The following C12orf50 variants were observed in gnomAD, a reference collection of about 807,000 sequenced individuals.
C12orf50 encodes the protein uncharacterized protein C12orf50.
A neutral mutation model predicts 61.6 loss-of-function variants in C12orf50; 35 were observed. The ratio of observed to expected loss-of-function variants is 0.57; its 90% confidence interval spans 0.43 to 0.75. The LOEUF (loss-of-function observed/expected upper bound fraction) is 0.75, where lower values mean the gene tolerates loss of function less well. Among genes scored for constraint, C12orf50 ranks in the 30% least tolerant of loss-of-function variants. The probability of loss-of-function intolerance (pLI) is 0.00; values close to 1 mark genes in which losing one functional copy is unlikely to be tolerated. For missense variants in C12orf50, 475 were observed against 488.5 expected (o/e 0.97, Z 0.26); for synonymous variants, 178 against 161.5 (o/e 1.10, Z -0.77).
chr12:88,008,113 T>C (rs1023037650), intron 3 of C12orf50, among the ~76,000 whole-genome samples: 4 of 152,118 alleles, frequency 2.6e-5, no homozygotes, highest in African/African-American at 4.8e-5. Flanking sequence ...GTTTGTTATA[T>C]AGGTAAACTT....
At chr12:88,021,737 T>A (rs531388358) in intron 3 of C12orf50, among the ~76,000 whole-genome samples, 1 of 151,516 alleles carries the variant, frequency 6.6e-6, no homozygotes, top group East Asian at 1.9e-4. Flanking sequence ...AACTAGAAAA[T>A]TTAGAAGAAA....
chr12:87,998,109 A>G lies in C12orf50; in HGVS notation c.215T>C (p.Ile72Thr), dbSNP rs778071717. The change falls in exon 4 of 13, where the codon ATA (isoleucine) becomes ACA (threonine). Residue 72 changes from isoleucine to threonine, a missense_variant. By Grantham distance (89) the Ile-to-Thr change is moderately conservative. Transcript: ENST00000298699. The part of the protein sequence containing the change: ...SQEPLKPQEN[I>T]SRPIHHPLVL... ...TAAAGGATGGTGGATGGGTCGTGAT[A>G]TATTTTCCTGAGGTTTCAGAGGTTC... 1.5e-5 allele frequency: 25 copies of G among 1,612,928 alleles called. No individual in the cohort carries two copies. Among genetic ancestry groups the G allele is most frequent in the Admixed American group, 5.0e-5 (3 of 59,882 alleles).
chr12:87,980,222 C>A lies in C12orf50; in HGVS notation c.*109G>T. ...TTTTATCATCTTTGGCTATCCACTACATAACATGGAGTACTTGAGTATCTC... is the reference window on the plus strand; with the variant it reads ...TTTTATCATCTTTGGCTATCCACTAAATAACATGGAGTACTTGAGTATCTC... On this transcript the variant is annotated 3_prime_UTR_variant, in exon 13 of 13. Transcript: ENST00000298699. The A allele has an allele frequency of 9.1e-7, 1 of 1,096,480 alleles. No individual in the cohort carries two copies. The allele number at this position is 1,096,480 out of a possible 1,614,324, so 67.9% of individuals were successfully genotyped here.
chr12:88,014,100 G>A (rs1446160508), intron 3 of C12orf50, among the ~76,000 whole-genome samples: 1 of 152,090 alleles, frequency 6.6e-6, no homozygotes, highest in Non-Finnish European at 1.5e-5. Context: ...AAGGGGAAAG[G>A]CAGTCTTCTA....
chr12:88,018,956 G>A (rs2032412713), intron 3 of C12orf50, among the ~76,000 whole-genome samples: 1 of 152,208 alleles, frequency 6.6e-6, no homozygotes, highest in South Asian at 2.1e-4. Flanking sequence ...GACTTGCCTT[G>A]TCTCAGATGA....
intron 3 of C12orf50, among the ~76,000 whole-genome samples, chr12:88,002,916 C>T (rs756032236): frequency 4.0e-5 from 6 of 151,714 alleles, no homozygotes; most frequent in Non-Finnish European, 8.9e-5. Context: ...ACTAATTTAA[C>T]ATCAGTGAGA....
intron 11 of C12orf50, chr12:87,983,949 C>T (rs1396088214): frequency 1.7e-5 from 2 of 120,792 alleles, no homozygotes; most frequent in African/African-American, 5.0e-5. Context: ...GTTCTAGATC[C>T]CTGAGGAATC....
intron 3 of C12orf50, among the ~76,000 whole-genome samples, chr12:88,020,805 AT>A (rs1447761567): frequency 6.7e-6 from 1 of 149,396 alleles, no homozygotes; most frequent in African/African-American, 2.5e-5. Context: ...TACTCAGCAA[AT>A]TAAAAAAAAA....
intron 7 of C12orf50, among the ~76,000 whole-genome samples, chr12:87,993,306 A>G (rs2031217571): frequency 6.6e-6 from 1 of 152,194 alleles, no homozygotes; most frequent in Non-Finnish European, 1.5e-5. Flanking sequence ...TAACCAAAAA[A>G]GCTATCTGAT....
rs938537157 is a variant in C12orf50, at chr12:88,006,977, T to C, written c.134-8787A>G. On this transcript the variant is annotated intron_variant, in intron 3 of 12. Coordinates refer to ENST00000298699, the MANE Select transcript of C12orf50 (RefSeq NM_152589.3). ...AATTAATACGATTTCATTTGCTGTA[T>C]GCCCTTAGGACAATTTCTTAACACT... Among the ~76,000 whole-genome samples the C allele has an allele frequency of 3.9e-5, 6 of 152,382 alleles. 1 individual carries two copies. The highest frequency in any genetic ancestry group is 3.3e-4 in the Admixed American group (5 of 15,308).
intron 1 of C12orf50, among the ~76,000 whole-genome samples, chr12:88,028,312 G>C (rs1027983224): frequency 6.6e-6 from 1 of 152,082 alleles, no homozygotes; most frequent in Non-Finnish European, 1.5e-5. Context: ...AATTTCTGTG[G>C]TCAGAGAGGT....
At chr12:87,998,623 T>C (rs1447904517) in intron 3 of C12orf50, among the ~76,000 whole-genome samples, 2 of 152,208 alleles carry the variant, frequency 1.3e-5, no homozygotes, top group Non-Finnish European at 2.9e-5. Context: ...ATAGGTATGA[T>C]ACAACTCTTA....
At chr12:88,008,775 A>G (rs1271784226) in intron 3 of C12orf50, among the ~76,000 whole-genome samples, 1 of 152,108 alleles carries the variant, frequency 6.6e-6, no homozygotes, top group African/African-American at 2.4e-5. Context: ...TTCCTTCCCC[A>G]TACCCACAAT....
intron 6 of C12orf50, among the ~76,000 whole-genome samples, chr12:87,995,228 C>G (rs576788837): frequency 3.8e-4 from 58 of 152,154 alleles, no homozygotes; most frequent in Non-Finnish European, 6.8e-4. Context: ...ATAAAAGAGA[C>G]ATGACAACCT....
rs138023013 is a variant in C12orf50, at chr12:87,980,105, A to C, written c.*226T>G. On this transcript the variant is annotated 3_prime_UTR_variant, in exon 13 of 13. Coordinates refer to ENST00000298699, the MANE Select transcript of C12orf50 (RefSeq NM_152589.3). ...TGCACGGAATGAATTCCAGACCTAC[A>C]TAAATACACTGGCAGCTGTTGGTAA... 1.3e-3 allele frequency: 696 copies of C among 539,010 alleles called. 3 individuals are homozygous for C. The highest frequency in any genetic ancestry group is 0.012 in the African/African-American group (620 of 52,074). 33.4% of individuals were successfully genotyped at this position (539,010 alleles called of 1,614,324 possible). A position where few individuals can be genotyped will look rare whatever the true frequency, so the allele number is the denominator to read the frequency against.
chr12:88,021,592 C>T (rs1339659760), intron 3 of C12orf50, among the ~76,000 whole-genome samples: 6 of 151,802 alleles, frequency 4.0e-5, no homozygotes, highest in Non-Finnish European at 7.4e-5. Flanking sequence ...GAGCCAAGAT[C>T]GCACCACTGC....
At chr12:87,982,837 T>G (rs1219629488) in intron 12 of C12orf50, among the ~76,000 whole-genome samples, 6 of 151,426 alleles carry the variant, frequency 4.0e-5, no homozygotes, top group Non-Finnish European at 7.4e-5. Flanking sequence ...ATTACATGAT[T>G]GCTGCAATTA....
chr12:87,981,820 C>CATATTAGACATGGCTTGTCTTCCCCCT (rs2030489308), intron 12 of C12orf50, among the ~76,000 whole-genome samples: 4 of 152,056 alleles, frequency 2.6e-5, no homozygotes, highest in Non-Finnish European at 5.9e-5. Flanking sequence ...CCAGTCCTCT[C>CATATTAGACATGGCTTGTCTTCCCCCT]ATATTAGACA....
At position 88,010,436 on chromosome 12, in the gene C12orf50, TATA is replaced by T. The variant is rs200600868; in HGVS notation, c.134-12249_134-12247del. Among the ~76,000 whole-genome samples, 382 of 127,370 alleles carry T rather than the reference TATA, an allele frequency of 3.0e-3. 3 individuals are homozygous for T. Among genetic ancestry groups the T allele is most frequent in the Middle Eastern group, 8.0e-3 (2 of 250 alleles). The allele number at this position is 127,370 out of a possible 152,430, so 83.6% of individuals were successfully genotyped here. A position where few individuals can be genotyped will look rare whatever the true frequency, so the allele number is the denominator to read the frequency against. On this transcript the variant is annotated intron_variant, in intron 3 of 12. Transcript: ENST00000298699. ...TATAAGATTAAAATTATTATAATCT[TATA>T]ATAAGATTATAAGATTAAAATTATT...
Sources: allele counts gnomAD v4.1 joint callset (sites outside exome capture counted in the v4.1 genomes callset), GRCh38; gene constraint gnomAD v4.1.1; transcripts MANE v1.5; gene names NCBI Gene and HGNC (gene_info 2026-07-23, HGNC 2026-07-21).